TAOK3: variants seen among roughly 807,000 people sequenced by gnomAD.
The protein encoded by TAOK3 is serine/threonine-protein kinase TAO3.
Under a neutral mutation model 120.4 loss-of-function variants are expected in TAOK3, and 40 were observed. That is an observed-to-expected ratio of 0.33 (90% CI 0.26 to 0.43). The LOEUF is 0.43. Ranked by LOEUF, TAOK3 falls within the 20% of genes least tolerant of loss-of-function variation. The pLI is 1.00. For synonymous variants in TAOK3, 355 were observed against 387.5 expected (o/e 0.92, Z 0.99); for missense variants, 821 against 1,112.1 (o/e 0.74, Z 3.72).
At chr12:118,261,951 C>T (rs1014454225) in intron 2 of TAOK3, among the ~76,000 whole-genome samples, 3 of 152,066 alleles carry the variant, frequency 2.0e-5, no homozygotes, top group Non-Finnish European at 4.4e-5. Flanking sequence ...ACCTCTGCCT[C>T]CCGGGTTCCA....
chr12:118,202,773 C>CTTTTTTTTT (rs58282262), intron 11 of TAOK3, among the ~76,000 whole-genome samples: 8 of 100,648 alleles, frequency 7.9e-5, no homozygotes, highest in East Asian at 4.2e-4. Context: ...ATAGTCTATT[C>CTTTTTTTTT]TTTTTTTTTT....
intron 1 of TAOK3, among the ~76,000 whole-genome samples, chr12:118,343,060 T>C (rs1412283059): frequency 1.3e-5 from 2 of 151,768 alleles, no homozygotes; most frequent in African/African-American, 2.4e-5. Context: ...CAGTGGTTCC[T>C]GCTACATCTA....
At chr12:118,267,650 G>C (rs1312454897) in intron 1 of TAOK3, among the ~76,000 whole-genome samples, 1 of 150,730 alleles carries the variant, frequency 6.6e-6, no homozygotes, top group Admixed American at 6.6e-5. Flanking sequence ...ACTTTGGGAG[G>C]CCAAGGCAGG....
Position 118,181,380 on chromosome 12 carries a change from T to C in TAOK3, c.1557A>G (p.Ile519Met). The C allele has an allele frequency of 6.2e-7, 1 of 1,613,716 alleles. No individual in the cohort carries two copies. Among genetic ancestry groups the C allele is most frequent in the Non-Finnish European group, 8.5e-7 (1 of 1,179,726 alleles). Residue 519 changes from isoleucine to methionine, a missense_variant, in exon 15 of 21, where the codon ATA becomes ATG. By Grantham distance (10) the Ile-to-Met change is conservative. Transcript: ENST00000392533. ...GTGTGCACATACTGACCTCCTTTTC[T>C]ATGATAGCCACTTGCTTCTTGGCCA... ...EKLAKKQVAI[I>M]EKEAKVAAAD...
At chr12:118,367,926 A>G (rs1342123800) in intron 1 of TAOK3, among the ~76,000 whole-genome samples, 1 of 152,190 alleles carries the variant, frequency 6.6e-6, no homozygotes, top group Non-Finnish European at 1.5e-5. Context: ...AACAAATATG[A>G]ATACCGGCCG....
chr12:118,232,522 A>G (rs2039828424), intron 9 of TAOK3, among the ~76,000 whole-genome samples: 1 of 152,210 alleles, frequency 6.6e-6, no homozygotes. Context: ...CATTCATAGT[A>G]TGGAGAATGG....
At chr12:118,205,656 G>T (rs1223636081) in intron 11 of TAOK3, among the ~76,000 whole-genome samples, 1 of 152,030 alleles carries the variant, frequency 6.6e-6, no homozygotes, top group Non-Finnish European at 1.5e-5. Context: ...TATCACCCAG[G>T]CTAGAGTGCA....
chr12:118,195,831 A>T (rs1385925375), intron 13 of TAOK3, among the ~76,000 whole-genome samples: 2 of 152,170 alleles, frequency 1.3e-5, no homozygotes, highest in African/African-American at 4.8e-5. Context: ...AGGGTGGATC[A>T]CGAGGTCAGG....
At chr12:118,363,040 A>G (rs1434726346) in intron 1 of TAOK3, among the ~76,000 whole-genome samples, 4 of 150,634 alleles carry the variant, frequency 2.7e-5, no homozygotes, top group South Asian at 2.1e-4. Context: ...AAAAAAAAAA[A>G]AAAAGAAAAG....
chr12:118,197,381 G>C (rs1016517910), intron 13 of TAOK3, among the ~76,000 whole-genome samples: 1 of 152,124 alleles, frequency 6.6e-6, no homozygotes, highest in Admixed American at 6.5e-5. Context: ...TCACACATCA[G>C]GGAGAGAAAA....
At chr12:118,173,242 A>G (rs755582455) in intron 16 of TAOK3, among the ~76,000 whole-genome samples, 13 of 152,356 alleles carry the variant, frequency 8.5e-5, no homozygotes, top group Admixed American at 2.0e-4. Flanking sequence ...ACATGGTGCC[A>G]TCAAGGGCTG....
chr12:118,366,258 A>C (rs370888419), intron 1 of TAOK3, among the ~76,000 whole-genome samples: 2 of 152,088 alleles, frequency 1.3e-5, no homozygotes, highest in East Asian at 1.9e-4. Context: ...AGCGAGACTC[A>C]ATCTCAAAAA....
At chr12:118,217,147 CA>C (rs1411510599) in intron 9 of TAOK3, among the ~76,000 whole-genome samples, 5 of 151,888 alleles carry the variant, frequency 3.3e-5, no homozygotes, top group African/African-American at 1.2e-4. Flanking sequence ...CTATGCAGTT[CA>C]AAAAACAGAA....
At chr12:118,222,588 C>T (rs891491696) in intron 9 of TAOK3, among the ~76,000 whole-genome samples, 5 of 151,512 alleles carry the variant, frequency 3.3e-5, no homozygotes, top group African/African-American at 1.2e-4. Flanking sequence ...GAGTACTACT[C>T]AGACAGAAAA....
At chr12:118,214,563 T>C (rs1425965168) in intron 9 of TAOK3, among the ~76,000 whole-genome samples, 4 of 151,624 alleles carry the variant, frequency 2.6e-5, no homozygotes, top group African/African-American at 9.7e-5. Context: ...GAAAAAAGAT[T>C]ACTATAAAAT....
chr12:118,359,921 G>C (rs1045276377), intron 1 of TAOK3, among the ~76,000 whole-genome samples: 3 of 152,102 alleles, frequency 2.0e-5, no homozygotes, highest in African/African-American at 7.2e-5. Flanking sequence ...AAAAAAGCTG[G>C]AGAAAATTTA....
chr12:118,358,204 AATTC>A (rs1428704786), intron 1 of TAOK3, among the ~76,000 whole-genome samples: 17 of 152,220 alleles, frequency 1.1e-4, no homozygotes, highest in Non-Finnish European at 1.9e-4. Flanking sequence ...ACTTAAACTA[AATTC>A]ATTTTATGGA....
At chr12:118,330,892 A>C (rs963032253) in intron 1 of TAOK3, among the ~76,000 whole-genome samples, 7 of 152,174 alleles carry the variant, frequency 4.6e-5, no homozygotes, top group African/African-American at 1.7e-4. Flanking sequence ...AAACTGCCAT[A>C]AACTGTGTGA....
intron 11 of TAOK3, among the ~76,000 whole-genome samples, chr12:118,208,385 C>T (rs2038444494): frequency 6.6e-6 from 1 of 151,598 alleles, no homozygotes. Context: ...ACCTCCTTTC[C>T]ACAAAACATC....
Sources: gnomAD v4.1 joint callset for allele counts (sites outside exome capture counted in the v4.1 genomes callset) on GRCh38, gnomAD v4.1.1 for gene constraint, MANE v1.5 for transcripts, NCBI Gene and HGNC (gene_info 2026-07-23, HGNC 2026-07-21) for gene names.